The following CEP57L1 variants were observed in gnomAD, a reference collection of about 807,000 sequenced individuals.
The protein encoded by CEP57L1 is centrosomal protein 57 like 1.
In CEP57L1, 37 loss-of-function variants were observed where a neutral mutation model predicts 61.0. The observed-to-expected ratio is 0.61, with a 90% confidence interval of 0.47 to 0.80. The LOEUF (loss-of-function observed/expected upper bound fraction) is 0.80, where lower values mean the gene tolerates loss of function less well. Ranked by LOEUF, CEP57L1 falls within the 30% of genes least tolerant of loss-of-function variation. CEP57L1 has a pLI of 0.00. For missense variants in CEP57L1, 422 were observed against 524.7 expected, an observed-to-expected ratio of 0.80 and a Z score of 1.91; for synonymous variants, 137 against 162.3, an observed-to-expected ratio of 0.84 and a Z score of 1.19.
intron 1 of CEP57L1, among the ~76,000 whole-genome samples, chr6:109,101,937 G>C (rs1472645585): frequency 2.0e-5 from 3 of 152,116 alleles, no homozygotes; most frequent in African/African-American, 7.2e-5. Flanking sequence ...GTTTTTCAAA[G>C]CAGCAGTACC....
intron 1 of CEP57L1, among the ~76,000 whole-genome samples, chr6:109,105,234 CTT>C (rs1289371891): frequency 1.3e-5 from 2 of 151,572 alleles, no homozygotes; most frequent in Non-Finnish European, 2.9e-5. Flanking sequence ...TGTAAATTGT[CTT>C]GTTTTAAGAA....
chr6:109,137,164 T>G (rs1333022067), intron 1 of CEP57L1, among the ~76,000 whole-genome samples: 4 of 152,226 alleles, frequency 2.6e-5, no homozygotes, highest in Non-Finnish European at 5.9e-5. Flanking sequence ...TAAACCTTTT[T>G]TGTTTGTAAT....
chr6:109,145,055 T>C (rs1771806180), intron 1 of CEP57L1, among the ~76,000 whole-genome samples, 164 bp from the exon 2 acceptor site: 1 of 152,052 alleles, frequency 6.6e-6, no homozygotes, highest in Non-Finnish European at 1.5e-5. Flanking sequence ...CTTTTCTTTC[T>C]TTTATTGCCA....
At position 109,155,843 on chromosome 6, in the gene CEP57L1, TA is replaced by T; in HGVS notation, c.713del (p.Lys238SerfsTer16). 6.3e-7 allele frequency: 1 copy of T among 1,589,476 alleles called. No homozygotes were observed. Among genetic ancestry groups the T allele is most frequent in the Non-Finnish European group, 8.6e-7 (1 of 1,162,954 alleles). ...ATTATAATGTCTTCAGTTTCAAATC[TA>T]AAGCACTCCAAGGAAAAGAAGAAAT... The part of the protein sequence containing the change: ...SKIIMSSVSN[L>X]KHSKEKKKSS... On this transcript the variant is annotated frameshift_variant, in exon 7 of 11. Coordinates refer to ENST00000517392, the MANE Select transcript of CEP57L1 (RefSeq NM_001271852.3). LOFTEE classifies it high-confidence loss of function.
At position 109,111,113 on chromosome 6, in the gene CEP57L1, G is replaced by A. The variant is rs148151902; in HGVS notation, c.-4+15538G>A. On this transcript the variant is annotated intron_variant, in intron 1 of 10. Transcript: ENST00000517392. ...TAGCATTAAATCTATAAATTACTTCGGGCAGTATGGCCATTTTGACGATAT... is the reference window on the plus strand; with the variant it reads ...TAGCATTAAATCTATAAATTACTTCAGGCAGTATGGCCATTTTGACGATAT... Among the ~76,000 whole-genome samples, 1,428 of 152,136 alleles carry A rather than the reference G, an allele frequency of 9.4e-3. 7 individuals carry two copies. Among genetic ancestry groups the A allele is most frequent in the Admixed American group, 0.016 (249 of 15,272 alleles).
At chr6:109,161,942 T>A (rs1773753111) in intron 10 of CEP57L1, among the ~76,000 whole-genome samples, 1 of 152,128 alleles carries the variant, frequency 6.6e-6, no homozygotes, top group African/African-American at 2.4e-5. Flanking sequence ...ATTAGACCTA[T>A]GCTCAAGTGA....
At chr6:109,155,105 T>C in intron 5 of CEP57L1, 125 bp from the exon 6 acceptor site, 1 of 459,816 alleles carries the variant, frequency 2.2e-6, no homozygotes, top group Non-Finnish European at 3.9e-6. Flanking sequence ...TCCTTTTTCT[T>C]ATTTTCTGCC....
At chr6:109,129,385 A>G in intron 1 of CEP57L1, 1 of 1,141,252 alleles carries the variant, frequency 8.8e-7, no homozygotes, top group Middle Eastern at 2.3e-4. Flanking sequence ...TCCAGCTTCC[A>G]GTGTGGTGCC....
chr6:109,121,107 T>C (rs994640703), intron 1 of CEP57L1, among the ~76,000 whole-genome samples: 1 of 152,200 alleles, frequency 6.6e-6, no homozygotes, highest in Non-Finnish European at 1.5e-5. Flanking sequence ...TGAGAAGGAC[T>C]CTTGAGGACC....
rs146104307 is a variant in CEP57L1 at position 109,136,037 on chromosome 6, C to G, written c.-3-9182C>G. ...CCTCAGGGATCTAGAACTAGAAATACCATTTGACCCAGCCATCCCATTACT... is the reference window on the plus strand; with the variant it reads ...CCTCAGGGATCTAGAACTAGAAATAGCATTTGACCCAGCCATCCCATTACT... On this transcript the variant is annotated intron_variant, in intron 1 of 10. Transcript: ENST00000517392. Among the ~76,000 whole-genome samples, 1,319 of 152,246 alleles carry G rather than the reference C, an allele frequency of 8.7e-3. 24 individuals are homozygous for G. Among genetic ancestry groups the G allele is most frequent in the African/African-American group, 0.03 (1,248 of 41,540 alleles).
chr6:109,100,504 G>A (rs570942203), intron 1 of CEP57L1, among the ~76,000 whole-genome samples: 12 of 151,570 alleles, frequency 7.9e-5, no homozygotes, highest in South Asian at 2.1e-4. Flanking sequence ...GTGAAACCCC[G>A]TCTCTACTGA....
chr6:109,114,308 G>T (rs1020237966), intron 1 of CEP57L1, among the ~76,000 whole-genome samples: 1 of 152,078 alleles, frequency 6.6e-6, no homozygotes, highest in African/African-American at 2.4e-5. Flanking sequence ...TTGATGATTA[G>T]AGATGTTGAA....
chr6:109,113,028 G>T (rs757982497), intron 1 of CEP57L1, among the ~76,000 whole-genome samples: 2 of 152,038 alleles, frequency 1.3e-5, no homozygotes, highest in Admixed American at 6.6e-5. Context: ...TCTTAGGTCC[G>T]CTTGGTCCAG....
At position 109,159,340 on chromosome 6, in the gene CEP57L1, G is replaced by A. The variant is rs773151588; in HGVS notation, c.894G>A (p.Lys298=). 3.1e-6 allele frequency: 5 copies of A among 1,614,072 alleles called. No individual in the cohort carries two copies. The South Asian group carries it at 5.5e-5, about 18-fold the overall frequency. ...FNVTETRCLP[K]PSRTTSWCKA... ...TGACTGAGACTAGATGTCTCCCCAA[G>A]CCTTCTAGAACAACTTCCTGGTGTA... is the stretch of plus-strand genomic sequence containing the variant. Residue 298 remains lysine, a synonymous_variant, in exon 9 of 11, where the codon AAG becomes AAA. Transcript: ENST00000517392.
chr6:109,098,503 T>C (rs1781986566), intron 1 of CEP57L1, among the ~76,000 whole-genome samples: 1 of 152,136 alleles, frequency 6.6e-6, no homozygotes, highest in South Asian at 2.1e-4. Flanking sequence ...AGTATAGTCA[T>C]AGCTCACTGC....
At chr6:109,152,469 C>T (rs1259593858) in intron 4 of CEP57L1, among the ~76,000 whole-genome samples, 1 of 152,116 alleles carries the variant, frequency 6.6e-6, no homozygotes, top group African/African-American at 2.4e-5. Context: ...AGGCGTGAGC[C>T]ACCACGCCCG....
Position 109,116,062 on chromosome 6 carries a change from AT to A in CEP57L1, c.-4+20489del, listed in dbSNP as rs554766896. Among the ~76,000 whole-genome samples the A allele has an allele frequency of 4.7e-5, 7 of 149,442 alleles. No homozygotes were observed. In the East Asian group the frequency reaches 1.4e-3, roughly 29 times the overall value. Reference sequence around the variant, plus strand: ...AAATTTGTTTTAGGTATTTCCTGGAATTCTATTTCCTCCCTATTAAGCATTT... The same window carrying A: ...AAATTTGTTTTAGGTATTTCCTGGAATCTATTTCCTCCCTATTAAGCATTT... On this transcript the variant is annotated intron_variant, in intron 1 of 10. Coordinates refer to ENST00000517392, the MANE Select transcript of CEP57L1 (RefSeq NM_001271852.3).
chr6:109,101,620 T>TC (rs1554271207), intron 1 of CEP57L1, among the ~76,000 whole-genome samples: 8 of 149,296 alleles, frequency 5.4e-5, no homozygotes, highest in African/African-American at 2.0e-4. Flanking sequence ...CTTTTTCTTT[T>TC]TTCTTTTTTT....
intron 1 of CEP57L1, among the ~76,000 whole-genome samples, chr6:109,101,408 T>C (rs551287832): frequency 2.0e-5 from 3 of 152,356 alleles, no homozygotes; most frequent in East Asian, 3.9e-4. Context: ...TAATCCATTG[T>C]ATGGATATAT....
Sources: gnomAD v4.1 joint callset for allele counts (sites outside exome capture counted in the v4.1 genomes callset) on GRCh38, gnomAD v4.1.1 for gene constraint, MANE v1.5 for transcripts, NCBI Gene and HGNC (gene_info 2026-07-23, HGNC 2026-07-21) for gene names.